The following NT5DC1 variants were observed in gnomAD, a reference collection of about 807,000 sequenced individuals.
The protein encoded by NT5DC1 is 5'-nucleotidase domain-containing protein 1.
In NT5DC1, 42 loss-of-function variants were observed where a neutral mutation model predicts 59.4. The observed-to-expected ratio is 0.71, with a 90% CI of 0.55 to 0.92. NT5DC1 has a LOEUF of 0.92. Among genes scored for constraint, NT5DC1 ranks in the 40% least tolerant of loss-of-function variants. NT5DC1 has a pLI of 0.00. For missense variants in NT5DC1, 501 were observed against 537.1 expected (o/e 0.93, Z 0.66); for synonymous variants, 172 against 188.1 (o/e 0.91, Z 0.70).
At chr6:116,172,182 C>A (rs1165388157) in intron 6 of NT5DC1, among the ~76,000 whole-genome samples, 1 of 151,946 alleles carries the variant, frequency 6.6e-6, no homozygotes, top group East Asian at 1.9e-4. Context: ...ATGATTTCCT[C>A]ATAGAAAGAT....
intron 8 of NT5DC1, among the ~76,000 whole-genome samples, chr6:116,234,693 G>T (rs576395834): frequency 3.3e-5 from 5 of 152,184 alleles, no homozygotes; most frequent in Admixed American, 2.6e-4. Flanking sequence ...ATTTTTGATT[G>T]ACCTTACAAA....
At chr6:116,104,323 G>C (rs1004342965) in intron 1 of NT5DC1, among the ~76,000 whole-genome samples, 8 of 152,188 alleles carry the variant, frequency 5.3e-5, no homozygotes, top group Admixed American at 3.3e-4. Flanking sequence ...TGCTGTCCCT[G>C]TTGGCGTCTC....
At chr6:116,201,805 C>T (rs935936858) in intron 6 of NT5DC1, among the ~76,000 whole-genome samples, 2 of 151,958 alleles carry the variant, frequency 1.3e-5, no homozygotes, top group East Asian at 3.9e-4. Context: ...TGCACTGAAG[C>T]CTTGGCATGG....
intron 6 of NT5DC1, among the ~76,000 whole-genome samples, chr6:116,125,165 T>C (rs927118438): frequency 7.9e-5 from 12 of 152,248 alleles, no homozygotes; most frequent in African/African-American, 2.9e-4. Context: ...CTACTACACT[T>C]ATTGGATATT....
At chr6:116,196,362 C>G (rs766768091) in intron 6 of NT5DC1, among the ~76,000 whole-genome samples, 1 of 151,998 alleles carries the variant, frequency 6.6e-6, no homozygotes, top group Non-Finnish European at 1.5e-5. Context: ...AAAATATACA[C>G]AATGGGAAAG....
At chr6:116,221,541 G>A (rs879173778) in intron 7 of NT5DC1, among the ~76,000 whole-genome samples, 9 of 152,122 alleles carry the variant, frequency 5.9e-5, no homozygotes, top group Admixed American at 5.2e-4. Flanking sequence ...ATCTTTGGAC[G>A]ATGATTGAGG....
intron 6 of NT5DC1, among the ~76,000 whole-genome samples, chr6:116,153,955 ATG>A (rs1780116561): frequency 6.6e-6 from 1 of 151,870 alleles, no homozygotes; most frequent in Admixed American, 6.6e-5. Flanking sequence ...GTAAAGCTGT[ATG>A]TATTGCATTT....
chr6:116,133,097 C>T (rs757787556), intron 6 of NT5DC1, among the ~76,000 whole-genome samples: 3 of 152,104 alleles, frequency 2.0e-5, no homozygotes, highest in Non-Finnish European at 4.4e-5. Flanking sequence ...TTCTGTTTTC[C>T]GTTATACACA....
Position 116,166,995 on chromosome 6 carries a change from A to G in NT5DC1, c.529+49050A>G, listed in dbSNP as rs571087918. ...GGGAGCCTACTCTGTACAGAGTTGC[A>G]TATTAGGCCTACTATAGGACTTATA... On this transcript the variant is annotated intron_variant, in intron 6 of 11. Transcript: ENST00000319550. Among the ~76,000 whole-genome samples, 17 of 152,248 alleles carry G rather than the reference A, an allele frequency of 1.1e-4. No individual in the cohort carries two copies. In the South Asian group the frequency reaches 1.4e-3, roughly 13 times the overall value.
chr6:116,110,036 T>C (rs969420396), intron 3 of NT5DC1, among the ~76,000 whole-genome samples: 3 of 152,170 alleles, frequency 2.0e-5, no homozygotes, highest in Admixed American at 6.5e-5. Context: ...TTAATAGATA[T>C]AGTAAGAAAA....
At chr6:116,113,814 A>C (rs1778920516) in intron 4 of NT5DC1, among the ~76,000 whole-genome samples, 1 of 152,194 alleles carries the variant, frequency 6.6e-6, no homozygotes, top group African/African-American at 2.4e-5. Context: ...TGGGAGGAGA[A>C]AAGCAAGGGT....
At position 116,239,140 on chromosome 6, in the gene NT5DC1, C is replaced by G. The variant is rs1474114383; in HGVS notation, c.1252+17C>G. ...CAATCGCAGGTAAGGGGGAAAATAC[C>G]TATAAAGCTTCACCTGTTACTAGAC... On this transcript the variant is annotated intron_variant, in intron 11 of 11. Coordinates refer to ENST00000319550, the MANE Select transcript of NT5DC1 (RefSeq NM_152729.3). 3 of 1,579,082 alleles carry G rather than the reference C, an allele frequency of 1.9e-6. No individual in the cohort carries two copies. In the African/African-American group the frequency reaches 4.1e-5, roughly 21 times the overall value.
intron 6 of NT5DC1, among the ~76,000 whole-genome samples, chr6:116,151,366 C>T (rs1780032812): frequency 6.6e-6 from 1 of 152,136 alleles, no homozygotes; most frequent in Admixed American, 6.5e-5. Flanking sequence ...CAAAATTGTA[C>T]AGGAAGAAAG....
chr6:116,241,298 A>G (rs1397844481), intron 11 of NT5DC1, among the ~76,000 whole-genome samples: 2 of 152,214 alleles, frequency 1.3e-5, no homozygotes, highest in Non-Finnish European at 2.9e-5. Flanking sequence ...AAGAATGTAT[A>G]TAAGTATATG....
At position 116,239,083 on chromosome 6, in the gene NT5DC1, T is replaced by C; in HGVS notation, c.1212T>C (p.Thr404=). Residue 404 remains threonine (T), a synonymous_variant, in exon 11 of 12, where the codon ACT becomes ACC. Coordinates refer to ENST00000319550, the MANE Select transcript of NT5DC1 (RefSeq NM_152729.3). The part of the protein sequence containing the change: ...VYTWSCKRIS[T]YSTIAIPSIE... ...CATGGTCTTGTAAGAGAATCAGTAC[T>C]TACAGCACTATTGCAATTCCAAGTA... 6.2e-7 allele frequency: 1 copy of C among 1,612,844 alleles called. No homozygotes were observed. Among genetic ancestry groups the C allele is most frequent in the Non-Finnish European group, 8.5e-7 (1 of 1,179,242 alleles).
At chr6:116,209,285 A>G (rs2114523589) in intron 6 of NT5DC1, among the ~76,000 whole-genome samples, 1 of 152,022 alleles carries the variant, frequency 6.6e-6, no homozygotes, top group South Asian at 2.1e-4. Context: ...AGATGTAAGC[A>G]CCTTTCTTAG....
At chr6:116,150,735 A>G (rs192879249) in intron 6 of NT5DC1, among the ~76,000 whole-genome samples, 38 of 152,298 alleles carry the variant, frequency 2.5e-4, no homozygotes, top group African/African-American at 8.4e-4. Flanking sequence ...GTTGTTTGCT[A>G]TTATTGCTGT....
chr6:116,143,244 C>T (rs1335669304), intron 6 of NT5DC1, among the ~76,000 whole-genome samples: 1 of 152,090 alleles, frequency 6.6e-6, no homozygotes, highest in Non-Finnish European at 1.5e-5. Flanking sequence ...CAGAGTCTTG[C>T]TCTGTCGCCA....
chr6:116,188,015 C>T (rs529842944), intron 6 of NT5DC1, among the ~76,000 whole-genome samples: 4 of 151,912 alleles, frequency 2.6e-5, no homozygotes, highest in Non-Finnish European at 5.9e-5. Context: ...AAGACAGCAA[C>T]CCAGTAGAAA....
Sources: gnomAD v4.1 joint callset for allele counts (sites outside exome capture counted in the v4.1 genomes callset) on GRCh38, gnomAD v4.1.1 for gene constraint, MANE v1.5 for transcripts, NCBI Gene and HGNC (gene_info 2026-07-23, HGNC 2026-07-21) for gene names.